The following SLC36A1 variants were observed in gnomAD, a reference collection of about 807,000 sequenced individuals.
SLC36A1 encodes solute carrier family 36 member 1.
SLC36A1 carries 30 observed loss-of-function variants against 47.5 expected under a neutral mutation model. That is an observed-to-expected ratio of 0.63 (90% CI 0.47 to 0.86). The LOEUF (loss-of-function observed/expected upper bound fraction) is 0.86. SLC36A1 is among the 40% of genes least tolerant of loss of function. The probability of loss-of-function intolerance (pLI) is 0.00; values close to 1 mark genes in which losing one functional copy is unlikely to be tolerated. For synonymous variants in SLC36A1, 255 were observed against 249.7 expected (o/e 1.02, Z -0.20); for missense variants, 517 against 606.0 (o/e 0.85, Z 1.54).
the SLC36A1 span, among the ~76,000 whole-genome samples, chr5:151,363,501 A>G: frequency 1.3e-5 from 2 of 151,984 alleles, no homozygotes; most frequent in African/African-American, 2.4e-5. Context: ...TTGGTGCTCT[A>G]TATTTGTTTT....
chr5:151,526,254 G>A, the SLC36A1 span, among the ~76,000 whole-genome samples: 1 of 152,198 alleles, frequency 6.6e-6, no homozygotes, highest in Non-Finnish European at 1.5e-5. Flanking sequence ...ATTCTGTAGA[G>A]AGATGACTTG....
chr5:151,377,299 T>C, the SLC36A1 span, among the ~76,000 whole-genome samples: 2 of 151,988 alleles, frequency 1.3e-5, no homozygotes, highest in Non-Finnish European at 2.9e-5. Context: ...TCTAATGCTA[T>C]GAGTGGGGTA....
At chr5:151,551,426 A>T in the SLC36A1 span, 1 of 1,601,152 alleles carries the variant, frequency 6.2e-7, no homozygotes, top group Non-Finnish European at 8.5e-7. Context: ...AAGGCCTTCC[A>T]TCTCCTCTCA....
intron 10 of SLC36A1, chr5:151,480,055 A>G (rs1455500334): frequency 1.4e-6 from 2 of 1,480,338 alleles, no homozygotes; most frequent in Non-Finnish European, 9.0e-7. Context: ...CCCCATTCCC[A>G]GGAGTGTAAG....
chr5:151,470,729 AC>A, intron 7 of SLC36A1: 1 of 152,482 alleles, frequency 6.6e-6, no homozygotes, highest in Non-Finnish European at 1.5e-5. Flanking sequence ...TGCCCCACTT[AC>A]CATGAGGATT....
the SLC36A1 span, chr5:151,553,292 C>T: frequency 1.9e-6 from 3 of 1,614,126 alleles, no homozygotes; most frequent in African/African-American, 4.0e-5. Context: ...CATCAAAGGC[C>T]AGAGGGATGG....
At chr5:151,404,978 A>G in the SLC36A1 span, among the ~76,000 whole-genome samples, 1 of 152,204 alleles carries the variant, frequency 6.6e-6, no homozygotes, top group Non-Finnish European at 1.5e-5. Context: ...TATGTCCTCA[A>G]ATATGTTTTC....
the SLC36A1 span, chr5:151,549,605 C>T: frequency 1.1e-6 from 1 of 898,818 alleles, no homozygotes; most frequent in Non-Finnish European, 1.8e-6. Flanking sequence ...TTAAAATATG[C>T]CCAATTGTAA....
At chr5:151,452,720 A>C (rs775584053) in intron 1 of SLC36A1, among the ~76,000 whole-genome samples, 1 of 151,820 alleles carries the variant, frequency 6.6e-6, no homozygotes, top group African/African-American at 2.4e-5. Flanking sequence ...AACACAAAAA[A>C]TTATCTGGGC....
chr5:151,408,957 A>G, the SLC36A1 span, among the ~76,000 whole-genome samples: 30 of 150,996 alleles, frequency 2.0e-4, no homozygotes, highest in South Asian at 6.3e-3. Flanking sequence ...CTGGAGTGAA[A>G]CGTGGTGAGG....
At chr5:151,459,068 G>T in intron 2 of SLC36A1, 133 bp downstream of exon 2, 1 of 993,230 alleles carries the variant, frequency 1.0e-6, no homozygotes, top group Non-Finnish European at 1.4e-6. Flanking sequence ...GATTGGGCGA[G>T]TGACTGCGCT....
At chr5:151,536,130 G>A in the SLC36A1 span, among the ~76,000 whole-genome samples, 2 of 152,128 alleles carry the variant, frequency 1.3e-5, no homozygotes, top group Admixed American at 1.3e-4. Flanking sequence ...TGTGGAGGAA[G>A]GGGTTATCAT....
rs752846011 is a variant in SLC36A1 at position 151,467,845 on chromosome 5, C to G, written c.643C>G (p.Arg215Gly). 6.2e-7 allele frequency: 1 copy of G among 1,613,828 alleles called. No individual in the cohort carries two copies. Among genetic ancestry groups the G allele is most frequent in the African/African-American group, 1.3e-5 (1 of 74,836 alleles). The change falls in exon 7 of 11, where the codon CGA becomes GGA. Residue 215 changes from arginine to glycine, a missense_variant. Coordinates refer to ENST00000243389, the MANE Select transcript of SLC36A1 (RefSeq NM_078483.4). ...GCTGCTGGTTTTCATCAGGAACCTCCGAGCCCTGTCCATCTTCTCCCTGTT... is the reference window on the plus strand; with the variant it reads ...GCTGCTGGTTTTCATCAGGAACCTCGGAGCCCTGTCCATCTTCTCCCTGTT... Reference protein sequence around the residue: ...LVLLVFIRNLRALSIFSLLAN... With the variant: ...LVLLVFIRNLGALSIFSLLAN...
chr5:151,431,461 T>G, the SLC36A1 span: 22,150 of 152,126 alleles, frequency 0.15, 2,121 homozygotes, highest in East Asian at 0.38. Flanking sequence ...ATTGGGCATG[T>G]GAGGGGTGTG....
At chr5:151,399,082 ATATT>A in the SLC36A1 span, among the ~76,000 whole-genome samples, 2,023 of 88,762 alleles carry the variant, frequency 0.023, 9 homozygotes, top group African/African-American at 0.085. Flanking sequence ...ATATATATAT[ATATT>A]TTTTTTTTTT....
chr5:151,543,829 G>A, the SLC36A1 span: 20 of 1,613,892 alleles, frequency 1.2e-5, no homozygotes, highest in Admixed American at 1.0e-4. Context: ...AATTATTCCC[G>A]ATGAGCTGTT....
the SLC36A1 span, among the ~76,000 whole-genome samples, chr5:151,548,472 C>T: frequency 6.6e-6 from 1 of 152,042 alleles, no homozygotes; most frequent in African/African-American, 2.4e-5. Flanking sequence ...CAATTTACAA[C>T]ATGTATTAAC....
the SLC36A1 span, among the ~76,000 whole-genome samples, chr5:151,547,824 TA>T: frequency 5.6e-4 from 85 of 152,250 alleles, no homozygotes; most frequent in Admixed American, 1.8e-3. Context: ...AAAATATGCA[TA>T]GGGGAAGATA....
chr5:151,425,830 T>C, the SLC36A1 span, among the ~76,000 whole-genome samples: 5 of 152,138 alleles, frequency 3.3e-5, no homozygotes, highest in Admixed American at 6.5e-5. Context: ...AAAATATAAA[T>C]ATTTTAAAAG....
Sources: gnomAD v4.1 joint callset for allele counts (sites outside exome capture counted in the v4.1 genomes callset) on GRCh38, gnomAD v4.1.1 for gene constraint, MANE v1.5 for transcripts, NCBI Gene and HGNC (gene_info 2026-07-23, HGNC 2026-07-21) for gene names.